The following COL25A1 variants were observed in gnomAD, a reference collection of about 807,000 sequenced individuals.
COL25A1 encodes the protein collagen alpha-1(XXV) chain.
Under a neutral mutation model 128.4 loss-of-function variants are expected in COL25A1, and 103 were observed. The ratio of observed to expected loss-of-function variants is 0.80; its 90% CI spans 0.68 to 0.94. The LOEUF (loss-of-function observed/expected upper bound fraction) is 0.94, where lower values mean the gene tolerates loss of function less well. COL25A1 is among the 40% of genes least tolerant of loss of function. The pLI, the probability that COL25A1 is intolerant of heterozygous loss-of-function variation, is 0.00. For missense variants in COL25A1, 745 were observed against 840.0 expected (o/e 0.89, Z 1.40); for synonymous variants, 279 against 277.2 (o/e 1.01, Z -0.06).
chr4:109,238,474 G>T (rs1221403306), intron 3 of COL25A1, among the ~76,000 whole-genome samples: 1 of 151,992 alleles, frequency 6.6e-6, no homozygotes, highest in Non-Finnish European at 1.5e-5. Context: ...CATCGACCAA[G>T]TGCTTGAGGG....
chr4:109,130,722 T>A (rs936918578), intron 3 of COL25A1, among the ~76,000 whole-genome samples: 1 of 152,166 alleles, frequency 6.6e-6, no homozygotes, highest in African/African-American at 2.4e-5. Flanking sequence ...TTTCAATGGG[T>A]CAATATCTGG....
At chr4:109,119,534 A>C (rs1484248785) in intron 3 of COL25A1, among the ~76,000 whole-genome samples, 2 of 151,980 alleles carry the variant, frequency 1.3e-5, no homozygotes, top group Non-Finnish European at 2.9e-5. Context: ...ACAAAAGAAT[A>C]CTATGAACAG....
intron 13 of COL25A1, among the ~76,000 whole-genome samples, chr4:108,908,283 G>A (rs1034887963): frequency 1.3e-4 from 20 of 152,108 alleles, no homozygotes; most frequent in African/African-American, 4.1e-4. Context: ...TCAGGAAGGC[G>A]TCATCACTGA....
Position 108,937,832 on chromosome 4 carries a change from T to C in COL25A1, c.684A>G (p.Gly228=). ...RGMPGVPGEP[G]KPGEQGLMGP... ...CCATCAAGCCTTGTTCTCCTGGCTTTCCTGGTTCACCCTTAAAAAAGAATA... is the reference window on the plus strand; with the variant it reads ...CCATCAAGCCTTGTTCTCCTGGCTTCCCTGGTTCACCCTTAAAAAAGAATA... The change falls in exon 11 of 38, where the codon GGA becomes GGG. Residue 228 remains glycine (G), a synonymous_variant. Coordinates refer to ENST00000399132, the MANE Select transcript of COL25A1 (RefSeq NM_198721.4). The C allele has an allele frequency of 6.2e-7, 1 of 1,608,662 alleles. No homozygotes were observed. Among genetic ancestry groups the C allele is most frequent in the Non-Finnish European group, 8.5e-7 (1 of 1,177,766 alleles).
At chr4:108,851,018 G>A (rs1308045252) in intron 26 of COL25A1, among the ~76,000 whole-genome samples, 3 of 151,986 alleles carry the variant, frequency 2.0e-5, no homozygotes, top group African/African-American at 4.8e-5. Context: ...TTTTGGTTCT[G>A]GAGTCTTAGT....
At position 108,818,256 on chromosome 4, in the gene COL25A1, T is replaced by C. The variant is rs79477649; in HGVS notation, c.1924-821A>G. 9.2e-3 allele frequency among the ~76,000 whole-genome samples: 1,401 copies of C among 152,214 alleles called. 12 individuals carry two copies. Among genetic ancestry groups the C allele is most frequent in the Non-Finnish European group, 0.015 (1,003 of 67,986 alleles). ...CAAACAAAGAACTGGGAACTTCATA[T>C]TGAGATTTTCTAACTATAATCACTG... On this transcript the variant is annotated intron_variant, in intron 36 of 37. Coordinates refer to ENST00000399132, the MANE Select transcript of COL25A1 (RefSeq NM_198721.4).
intron 6 of COL25A1, among the ~76,000 whole-genome samples, chr4:108,988,023 A>T (rs745663812): frequency 6.6e-6 from 1 of 152,194 alleles, no homozygotes; most frequent in Admixed American, 6.5e-5. Context: ...GGGTAGGAAA[A>T]GAGGTACATG....
chr4:108,942,749 C>CTTTTTTTT (rs746618908), intron 8 of COL25A1, among the ~76,000 whole-genome samples: 3 of 69,960 alleles, frequency 4.3e-5, no homozygotes, highest in South Asian at 4.0e-4. Context: ...CACATCTGGA[C>CTTTTTTTT]TTTTTTTTTT....
chr4:108,838,287 CAG>C (rs1447298016), intron 31 of COL25A1: 2 of 732,980 alleles, frequency 2.7e-6, no homozygotes, highest in Middle Eastern at 2.3e-4. Context: ...TAGGAAACAG[CAG>C]AGTCAGGCTA....
chr4:108,892,631 A>G (rs961711113), intron 16 of COL25A1, among the ~76,000 whole-genome samples: 1 of 152,226 alleles, frequency 6.6e-6, no homozygotes, highest in Non-Finnish European at 1.5e-5. Flanking sequence ...AAAGCATGAA[A>G]GGTAATTCAT....
intron 24 of COL25A1, among the ~76,000 whole-genome samples, chr4:108,858,658 G>A (rs1736803695): frequency 6.6e-6 from 1 of 152,106 alleles, no homozygotes. Context: ...GGCATACACA[G>A]ATTATATCTA....
rs190889109 is a variant in COL25A1 at position 108,883,811 on chromosome 4, G to A, written c.1020+367C>T. On this transcript the variant is annotated intron_variant, in intron 19 of 37. Transcript: ENST00000399132. ...ACAGCTGCCTAAATGTTAGCTTTATGGGGATGTTAAGACTCTAATTCTGAT... is the reference window on the plus strand; with the variant it reads ...ACAGCTGCCTAAATGTTAGCTTTATAGGGATGTTAAGACTCTAATTCTGAT... Among the ~76,000 whole-genome samples the A allele has an allele frequency of 3.9e-5, 6 of 152,248 alleles. No homozygotes were observed. The East Asian group carries it at 9.6e-4, about 24-fold the overall frequency.
intron 3 of COL25A1, among the ~76,000 whole-genome samples, chr4:109,298,643 T>TC (rs1362436603): frequency 6.6e-6 from 1 of 152,194 alleles, no homozygotes; most frequent in Non-Finnish European, 1.5e-5. Context: ...TAAATAGTTT[T>TC]CCCCAAGATA....
intron 20 of COL25A1, among the ~76,000 whole-genome samples, chr4:108,865,424 T>C (rs1487087428): frequency 6.6e-6 from 1 of 152,128 alleles, no homozygotes; most frequent in Non-Finnish European, 1.5e-5. Flanking sequence ...AGACTCAGGT[T>C]TCTTAACAGC....
chr4:109,076,048 G>A (rs1438659828), intron 3 of COL25A1, among the ~76,000 whole-genome samples: 1 of 152,088 alleles, frequency 6.6e-6, no homozygotes, highest in Non-Finnish European at 1.5e-5. Flanking sequence ...TAGCACTTAT[G>A]TTGTATTAGG....
At chr4:108,882,610 C>CCATA (rs1412196585) in intron 19 of COL25A1, among the ~76,000 whole-genome samples, 5 of 151,946 alleles carry the variant, frequency 3.3e-5, no homozygotes, top group African/African-American at 7.3e-5. Flanking sequence ...CTAAGAAATG[C>CCATA]CATAATTTAA....
intron 8 of COL25A1, chr4:108,942,134 C>T: frequency 2.1e-6 from 3 of 1,460,328 alleles, no homozygotes; most frequent in Non-Finnish European, 2.8e-6. Context: ...GCTCGGCAAG[C>T]CAATTGAATG....
At chr4:109,153,049 T>C (rs2126105051) in intron 3 of COL25A1, among the ~76,000 whole-genome samples, 1 of 152,220 alleles carries the variant, frequency 6.6e-6, no homozygotes, top group East Asian at 1.9e-4. Context: ...TATTAATATA[T>C]TATACCACAA....
chr4:109,109,829 A>G (rs1441042216), intron 3 of COL25A1, among the ~76,000 whole-genome samples: 4 of 152,210 alleles, frequency 2.6e-5, no homozygotes, highest in Non-Finnish European at 5.9e-5. Flanking sequence ...TGTATTAGAC[A>G]CGGAAACAGA....
Sources: gnomAD v4.1 joint callset for allele counts (sites outside exome capture counted in the v4.1 genomes callset) on GRCh38, gnomAD v4.1.1 for gene constraint, MANE v1.5 for transcripts, NCBI Gene and HGNC (gene_info 2026-07-23, HGNC 2026-07-21) for gene names.